FNDC3A: variants seen among roughly 807,000 people sequenced by gnomAD.
FNDC3A encodes fibronectin type III domain containing 3A.
A neutral mutation model predicts 148.9 loss-of-function variants in FNDC3A; 32 were observed. The ratio of observed to expected loss-of-function variants is 0.21; its 90% CI spans 0.16 to 0.29. The LOEUF (loss-of-function observed/expected upper bound fraction) is 0.29. Among genes scored for constraint, FNDC3A ranks in the 10% least tolerant of loss-of-function variants. The pLI is 1.00. For synonymous variants in FNDC3A, 472 were observed against 473.6 expected (o/e 1.00, Z 0.04); for missense variants, 1,191 against 1,452.8 (o/e 0.82, Z 2.93).
chr13:49,134,038 A>T (rs984020671), intron 5 of FNDC3A, among the ~76,000 whole-genome samples: 1 of 152,156 alleles, frequency 6.6e-6, no homozygotes, highest in Non-Finnish European at 1.5e-5. Context: ...AGTGGTTTTT[A>T]ATATATTTAC....
chr13:49,111,603 G>T (rs1419216773), intron 3 of FNDC3A, among the ~76,000 whole-genome samples: 1 of 151,870 alleles, frequency 6.6e-6, no homozygotes, highest in African/African-American at 2.4e-5. Flanking sequence ...GCACATGCAT[G>T]TAATCCCAGC....
rs773149166 is a variant in FNDC3A at position 49,191,344 on chromosome 13, A to G, written c.2186A>G (p.Lys729Arg). 4 of 1,610,996 alleles carry G rather than the reference A, an allele frequency of 2.5e-6. No homozygotes were observed. In the African/African-American group the frequency reaches 5.3e-5, roughly 22 times the overall value. ...ACAGTGAGCAGCCTTCTTCCTGGAA[A>G]GACATACAGCTTCAGACTACGTGCA... ...ECTVSSLLPG[K>R]TYSFRLRAAN... Residue 729 changes from lysine (K) to arginine (R), a missense_variant, in exon 19 of 26, where the codon AAG (lysine) becomes AGG (arginine). Physicochemically the swap from Lys to Arg is conservative, Grantham distance 26. This residue lies in a region of FNDC3A where 751 missense variants were observed against 944.0 expected (regional missense o/e 0.80). Coordinates refer to ENST00000492622, the MANE Select transcript of FNDC3A (RefSeq NM_001079673.2).
intron 3 of FNDC3A, among the ~76,000 whole-genome samples, chr13:49,080,690 G>A (rs1222536124): frequency 6.6e-6 from 1 of 152,172 alleles, no homozygotes; most frequent in African/African-American, 2.4e-5. Flanking sequence ...ATGTGCTAAA[G>A]ACTACCTTCT....
chr13:49,074,424 G>A (rs1388912422), intron 2 of FNDC3A, among the ~76,000 whole-genome samples: 2 of 152,112 alleles, frequency 1.3e-5, no homozygotes, highest in African/African-American at 4.8e-5. Flanking sequence ...AAAATTCTGT[G>A]TTTGGGAATC....
At chr13:49,092,873 G>A (rs1022521254) in intron 3 of FNDC3A, among the ~76,000 whole-genome samples, 4 of 149,282 alleles carry the variant, frequency 2.7e-5, no homozygotes. Flanking sequence ...TTTTTTTTCT[G>A]TCTCAGAGTC....
chr13:49,122,480 T>G (rs1373899916), intron 4 of FNDC3A, among the ~76,000 whole-genome samples: 1 of 152,086 alleles, frequency 6.6e-6, no homozygotes, highest in Non-Finnish European at 1.5e-5. Flanking sequence ...CTCAACATAG[T>G]ATTGGGAGTT....
At chr13:49,098,730 A>G (rs975178443) in intron 3 of FNDC3A, among the ~76,000 whole-genome samples, 1 of 152,120 alleles carries the variant, frequency 6.6e-6, no homozygotes, top group Non-Finnish European at 1.5e-5. Flanking sequence ...TGCAAATCTA[A>G]TCATAGAAAT....
At chr13:49,081,309 G>T (rs761484067) in intron 3 of FNDC3A, among the ~76,000 whole-genome samples, 2 of 152,128 alleles carry the variant, frequency 1.3e-5, no homozygotes, top group African/African-American at 4.8e-5. Context: ...ATACACAGAC[G>T]AGCTATGCTT....
At chr13:49,098,714 T>C (rs1423459366) in intron 3 of FNDC3A, among the ~76,000 whole-genome samples, 2 of 152,148 alleles carry the variant, frequency 1.3e-5, no homozygotes, top group African/African-American at 2.4e-5. Context: ...ATACATCTAA[T>C]TGTGCTGCAA....
At chr13:49,045,899 A>G (rs1875364735) in intron 2 of FNDC3A, 1 of 236,514 alleles carries the variant, frequency 4.2e-6, no homozygotes, top group Admixed American at 5.9e-5. Context: ...GAGCAATTCT[A>G]GAGAAGTTTT....
At chr13:49,024,970 G>A (rs1287761549) in intron 2 of FNDC3A, among the ~76,000 whole-genome samples, 1 of 151,732 alleles carries the variant, frequency 6.6e-6, no homozygotes, top group East Asian at 1.9e-4. Flanking sequence ...ATATTTTGTT[G>A]CTACTACTGT....
At chr13:49,124,737 C>T (rs2137907030) in intron 4 of FNDC3A, among the ~76,000 whole-genome samples, 1 of 152,180 alleles carries the variant, frequency 6.6e-6, no homozygotes, top group South Asian at 2.1e-4. Context: ...ATTAAGTTAT[C>T]AAATGAGGAA....
At chr13:49,079,578 T>C (rs1444392436) in intron 3 of FNDC3A, among the ~76,000 whole-genome samples, 2 of 152,232 alleles carry the variant, frequency 1.3e-5, no homozygotes, top group Non-Finnish European at 2.9e-5. Flanking sequence ...ACTTGACTTA[T>C]TTGAATAACC....
intron 3 of FNDC3A, among the ~76,000 whole-genome samples, chr13:49,089,095 A>G (rs7319191): frequency 0.022 from 3,357 of 152,240 alleles, 133 homozygotes; most frequent in African/African-American, 0.077. Flanking sequence ...AAGATGAAAA[A>G]TGTTCTGGAG....
intron 8 of FNDC3A, among the ~76,000 whole-genome samples, chr13:49,161,376 C>A (rs943776648): frequency 6.6e-6 from 1 of 152,136 alleles, no homozygotes; most frequent in Non-Finnish European, 1.5e-5. Flanking sequence ...TGTCTCTTGA[C>A]CTTTGTTGGT....
At position 49,129,094 on chromosome 13, in the gene FNDC3A, A is replaced by T. The variant is rs577920209; in HGVS notation, c.253-2043A>T. ...TGTGGGTTCCCCACAAATATTTAAT[A>T]TATCATTCTGAGGTTTTTCCCTCTT... is the stretch of plus-strand genomic sequence containing the variant. On this transcript the variant is annotated intron_variant, in intron 4 of 25. Transcript: ENST00000492622. 1.4e-3 allele frequency among the ~76,000 whole-genome samples: 209 copies of T among 152,348 alleles called. 1 individual carries two copies. Among genetic ancestry groups the T allele is most frequent in the African/African-American group, 4.6e-3 (190 of 41,582 alleles).
chr13:49,098,956 A>G (rs914645725), intron 3 of FNDC3A, among the ~76,000 whole-genome samples: 2 of 152,046 alleles, frequency 1.3e-5, no homozygotes, highest in African/African-American at 2.4e-5. Context: ...TGACTCACCA[A>G]TTTGGTGAGT....
In FNDC3A at chr13:49,013,621, C is replaced by CGTGTATACATGTATACATGTACAT. The variant is rs1276473089; in HGVS notation, c.99+7357_99+7380dup. Among the ~76,000 whole-genome samples, 39 of 151,108 alleles carry CGTGTATACATGTATACATGTACAT rather than the reference C, an allele frequency of 2.6e-4. No homozygotes were observed. In the South Asian group the frequency reaches 2.7e-3, roughly 11 times the overall value. On this transcript the variant is annotated intron_variant, in intron 2 of 25. Transcript: ENST00000492622. ...ATGTACACGTGTATACATGTGTACA[C>CGTGTATACATGTATACATGTACAT]GTGTATACATGTATACATGTACATG...
chr13:49,036,260 A>G (rs1431299366), intron 2 of FNDC3A, among the ~76,000 whole-genome samples: 2 of 152,190 alleles, frequency 1.3e-5, no homozygotes, highest in South Asian at 2.1e-4. Context: ...CCCGAGATAT[A>G]TTGTCTAATA....
Sources: gnomAD v4.1 joint callset for allele counts (sites outside exome capture counted in the v4.1 genomes callset) on GRCh38, gnomAD v4.1.1 for gene constraint, gnomAD v4.1.1 regional missense constraint, MANE v1.5 for transcripts, NCBI Gene and HGNC (gene_info 2026-07-23, HGNC 2026-07-21) for gene names.